Variants in UBE3D observed in about 807,000 individuals in gnomAD.
UBE3D encodes E3 ubiquitin-protein ligase E3D.
UBE3D carries 48 observed loss-of-function variants against 49.6 expected under a neutral mutation model. The ratio of observed to expected loss-of-function variants is 0.97; its 90% CI spans 0.77 to 1.23. The LOEUF is 1.23. Ranked by LOEUF, UBE3D falls within the 50% of genes most tolerant of loss-of-function variation. UBE3D has a pLI of 0.00. For synonymous variants in UBE3D, 189 were observed against 174.2 expected, an observed-to-expected ratio of 1.08 and a Z score of -0.67; for missense variants, 452 against 468.4, an observed-to-expected ratio of 0.96 and a Z score of 0.32.
chr6:82,970,635 C>T (rs1359985642), intron 8 of UBE3D, among the ~76,000 whole-genome samples: 2 of 151,936 alleles, frequency 1.3e-5, no homozygotes, highest in East Asian at 3.9e-4. Flanking sequence ...GTCAGGAGAT[C>T]GAGACCATCC....
At chr6:82,986,543 A>G (rs1211413612) in intron 8 of UBE3D, among the ~76,000 whole-genome samples, 1 of 147,408 alleles carries the variant, frequency 6.8e-6, no homozygotes. Flanking sequence ...TTCCTCATAC[A>G]TGTTTTTTAC....
chr6:83,053,914 T>C (rs547942548), intron 3 of UBE3D, among the ~76,000 whole-genome samples: 217 of 152,284 alleles, frequency 1.4e-3, no homozygotes, highest in African/African-American at 4.8e-3. Flanking sequence ...TCGGCCAAGA[T>C]AAGCACTCCT....
At chr6:82,999,299 C>A (rs762423671) in intron 8 of UBE3D, among the ~76,000 whole-genome samples, 4 of 152,314 alleles carry the variant, frequency 2.6e-5, no homozygotes, top group East Asian at 1.9e-4. Context: ...AGATACCAGA[C>A]CTTTCCATCT....
intron 3 of UBE3D, among the ~76,000 whole-genome samples, chr6:83,045,001 T>G (rs185332555): frequency 6.6e-6 from 1 of 152,350 alleles, no homozygotes; most frequent in African/African-American, 2.4e-5. Context: ...TTGTTTTATT[T>G]AGATGAATCC....
chr6:82,917,463 A>C (rs752046015), intron 9 of UBE3D, among the ~76,000 whole-genome samples: 7 of 152,170 alleles, frequency 4.6e-5, no homozygotes, highest in Non-Finnish European at 1.0e-4. Context: ...TGTGCAGTTA[A>C]GCTGTCAGAA....
At chr6:82,997,372 GA>G (rs1284307114) in intron 8 of UBE3D, among the ~76,000 whole-genome samples, 1 of 152,106 alleles carries the variant, frequency 6.6e-6, no homozygotes, top group South Asian at 2.1e-4. Flanking sequence ...ATAATGGGGT[GA>G]AAAATAAATT....
chr6:83,042,728 C>G (rs1273674496), intron 4 of UBE3D, among the ~76,000 whole-genome samples: 1 of 152,044 alleles, frequency 6.6e-6, no homozygotes, highest in Admixed American at 6.5e-5. Context: ...ATTGTCTCAT[C>G]AAAAAAATGT....
intron 4 of UBE3D, 145 bp from the exon 5 acceptor site, chr6:83,038,630 T>A: frequency 2.9e-6 from 2 of 685,896 alleles, no homozygotes; most frequent in South Asian, 2.0e-5. Context: ...TTAGCTTGTA[T>A]GCATAATTCA....
chr6:82,910,367 G>C (rs957393734), intron 9 of UBE3D, among the ~76,000 whole-genome samples: 1 of 152,116 alleles, frequency 6.6e-6, no homozygotes, highest in Admixed American at 6.6e-5. Context: ...TATATAACTA[G>C]AATCTAGGTT....
intron 3 of UBE3D, among the ~76,000 whole-genome samples, chr6:83,052,856 G>A (rs960221458): frequency 2.0e-5 from 3 of 152,200 alleles, no homozygotes; most frequent in African/African-American, 7.2e-5. Flanking sequence ...TCAGATGAGA[G>A]GACAAAACTA....
At chr6:82,947,682 A>G (rs531607866) in intron 9 of UBE3D, among the ~76,000 whole-genome samples, 1 of 152,094 alleles carries the variant, frequency 6.6e-6, no homozygotes, top group Non-Finnish European at 1.5e-5. Flanking sequence ...TCTGACCACA[A>G]TGGAATAAAA....
At chr6:83,022,366 G>T in intron 7 of UBE3D, 87 bp downstream of exon 7, 1 of 882,504 alleles carries the variant, frequency 1.1e-6, no homozygotes, top group Non-Finnish European at 1.7e-6. Flanking sequence ...CCACACCTGA[G>T]AATTAAGAAA....
intron 9 of UBE3D, among the ~76,000 whole-genome samples, chr6:82,904,112 A>G (rs1771929081): frequency 6.6e-6 from 1 of 152,168 alleles, no homozygotes; most frequent in Admixed American, 6.5e-5. Flanking sequence ...AATTGATATG[A>G]AAAGACTGGA....
intron 9 of UBE3D, among the ~76,000 whole-genome samples, chr6:82,908,394 C>G (rs1320901235): frequency 6.6e-6 from 1 of 151,974 alleles, no homozygotes; most frequent in Admixed American, 6.6e-5. Context: ...GGACAGCTCT[C>G]TACAATAAAA....
intron 8 of UBE3D, among the ~76,000 whole-genome samples, chr6:82,977,113 CAAAAAAAAAAAA>C (rs58424434): frequency 9.2e-4 from 39 of 42,584 alleles, no homozygotes; most frequent in Admixed American, 2.7e-3. Context: ...GACTCCATCT[CAAAAAAAAAAAA>C]AAAAAAAAAA....
chr6:83,028,161 T>C (rs1468988465), intron 5 of UBE3D, among the ~76,000 whole-genome samples: 2 of 152,202 alleles, frequency 1.3e-5, no homozygotes, highest in Non-Finnish European at 2.9e-5. Flanking sequence ...TCAGCTACCT[T>C]CACACCTTTC....
intron 9 of UBE3D, among the ~76,000 whole-genome samples, chr6:82,928,255 C>T (rs187516993): frequency 1.3e-5 from 2 of 152,098 alleles, no homozygotes; most frequent in Admixed American, 6.5e-5. Context: ...CCGGGAACCG[C>T]ATATGAATGG....
At chr6:83,047,906 C>A (rs1470128956) in intron 3 of UBE3D, among the ~76,000 whole-genome samples, 1 of 151,716 alleles carries the variant, frequency 6.6e-6, no homozygotes, top group Non-Finnish European at 1.5e-5. Context: ...CACGGTGAAA[C>A]CCCGTCTCTA....
At chr6:83,022,197 T>C (rs1562195580) in intron 7 of UBE3D, among the ~76,000 whole-genome samples, 1 of 152,106 alleles carries the variant, frequency 6.6e-6, no homozygotes, top group Non-Finnish European at 1.5e-5. Flanking sequence ...AGGCTAATTT[T>C]TGTATTTTTA....
Sources: allele counts gnomAD v4.1 joint callset (sites outside exome capture counted in the v4.1 genomes callset), GRCh38; gene constraint gnomAD v4.1.1; transcripts MANE v1.5; gene names NCBI Gene and HGNC (gene_info 2026-07-23, HGNC 2026-07-21).